The following PLPP4 variants were observed in gnomAD, a reference collection of about 807,000 sequenced individuals.
PLPP4 encodes the protein diacylglycerol pyrophosphate like 2.
A neutral mutation model predicts 32.2 loss-of-function variants in PLPP4; 20 were observed. That is an observed-to-expected ratio of 0.62 (90% CI 0.44 to 0.90). PLPP4 has a LOEUF of 0.90. Among genes scored for constraint, PLPP4 ranks in the 40% least tolerant of loss-of-function variants. The probability of loss-of-function intolerance (pLI) is 0.00; values close to 1 mark genes in which losing one functional copy is unlikely to be tolerated. For synonymous variants in PLPP4, 127 were observed against 133.0 expected, an observed-to-expected ratio of 0.95 and a Z score of 0.31; for missense variants, 257 against 353.1, an observed-to-expected ratio of 0.73 and a Z score of 2.18.
intron 1 of PLPP4, among the ~76,000 whole-genome samples, chr10:120,498,315 A>G (rs928341849): frequency 9.2e-5 from 14 of 152,236 alleles, no homozygotes; most frequent in African/African-American, 3.1e-4. Context: ...GGGGAAGTCC[A>G]TGATTTTGAG....
intron 1 of PLPP4, among the ~76,000 whole-genome samples, chr10:120,500,340 G>C (rs1297304175): frequency 6.6e-6 from 1 of 152,190 alleles, no homozygotes; most frequent in African/African-American, 2.4e-5. Context: ...CTCACAGAGT[G>C]GGGGTGTGTG....
Position 120,570,539 on chromosome 10 carries a change from A to G in PLPP4, c.446-4592A>G, listed in dbSNP as rs558758266. Among the ~76,000 whole-genome samples the G allele has an allele frequency of 2.0e-5, 3 of 152,336 alleles. No individual in the cohort carries two copies. In the South Asian group the frequency reaches 6.2e-4, roughly 32 times the overall value. The stretch of plus-strand genomic sequence containing the variant: ...AGCAGGACCTGTCTTCCTGATTCTT[A>G]TCTCATTTGTTTTTTAAGAGTTTTC... On this transcript the variant is annotated intron_variant, in intron 5 of 6. Transcript: ENST00000398250.
chr10:120,559,332 A>G (rs1340264167), intron 5 of PLPP4, among the ~76,000 whole-genome samples: 1 of 151,698 alleles, frequency 6.6e-6, no homozygotes, highest in East Asian at 1.9e-4. Flanking sequence ...TCCACAAAAA[A>G]GGGAGATGTT....
chr10:120,505,985 C>G (rs1027058138), intron 2 of PLPP4, among the ~76,000 whole-genome samples: 1 of 152,146 alleles, frequency 6.6e-6, no homozygotes, highest in Non-Finnish European at 1.5e-5. Context: ...GTGGCTGTGT[C>G]CTAGATTTAT....
intron 5 of PLPP4, among the ~76,000 whole-genome samples, chr10:120,561,339 C>A (rs1217202528): frequency 6.6e-6 from 1 of 152,116 alleles, no homozygotes; most frequent in Non-Finnish European, 1.5e-5. Flanking sequence ...TAGTAGCAGT[C>A]CAATTTTTTT....
intron 1 of PLPP4, among the ~76,000 whole-genome samples, chr10:120,461,288 G>A (rs949604672): frequency 6.6e-6 from 1 of 152,186 alleles, no homozygotes; most frequent in East Asian, 1.9e-4. Flanking sequence ...TTCTTCCACC[G>A]TTTTTGGCTG....
intron 5 of PLPP4, among the ~76,000 whole-genome samples, chr10:120,558,695 G>T (rs759836684): frequency 6.6e-6 from 1 of 152,058 alleles, no homozygotes; most frequent in East Asian, 1.9e-4. Flanking sequence ...GGGATTATAG[G>T]TGTGAGCCAC....
intron 4 of PLPP4, among the ~76,000 whole-genome samples, chr10:120,519,610 G>C (rs1256172091): frequency 6.6e-6 from 1 of 152,016 alleles, no homozygotes; most frequent in East Asian, 1.9e-4. Flanking sequence ...TTACTCTCAG[G>C]CCTCACCCCT....
chr10:120,524,911 C>T (rs1317737858), intron 5 of PLPP4, among the ~76,000 whole-genome samples: 3 of 151,478 alleles, frequency 2.0e-5, no homozygotes, highest in Non-Finnish European at 4.4e-5. Context: ...ACTGATTCAA[C>T]TTCCAGAGAG....
chr10:120,471,170 CTTTTAA>C (rs1191067960), intron 1 of PLPP4, among the ~76,000 whole-genome samples: 5 of 152,078 alleles, frequency 3.3e-5, no homozygotes, highest in African/African-American at 1.2e-4. Flanking sequence ...TAGTCTTATT[CTTTTAA>C]TTTTGTCTTT....
chr10:120,457,346 T>C lies in PLPP4; in HGVS notation c.41T>C (p.Leu14Pro). The change falls in exon 1 of 7, where the codon CTC (leucine) becomes CCC (proline). Residue 14 changes from leucine to proline, a missense_variant. By Grantham distance (98) the Leu-to-Pro change is moderately conservative. Transcript: ENST00000398250. ...ATTGAGATCGGGGTGCGAGCCCTGC[T>C]CTTCGGAGTCTTCGTGTAAGTAGTG... ...LAIEIGVRAL[L>P]FGVFVFTEFL... 6.5e-7 allele frequency: 1 copy of C among 1,535,820 alleles called. No homozygotes were observed. The highest frequency in any genetic ancestry group is 8.8e-7 in the Non-Finnish European group (1 of 1,140,086).
At chr10:120,505,273 G>A (rs952589909) in intron 2 of PLPP4, among the ~76,000 whole-genome samples, 6 of 152,222 alleles carry the variant, frequency 3.9e-5, no homozygotes, top group Non-Finnish European at 8.8e-5. Context: ...CTGAGGGTTG[G>A]GGGCAGAGTG....
intron 6 of PLPP4, 77 bp downstream of exon 6, chr10:120,575,378 C>T (rs1047938560): frequency 1.1e-5 from 16 of 1,464,610 alleles, no homozygotes; most frequent in Admixed American, 1.9e-5. Flanking sequence ...AGAAATGCAC[C>T]AATTGTGGGG....
At chr10:120,502,401 G>A (rs1276947184) in intron 1 of PLPP4, among the ~76,000 whole-genome samples, 1 of 152,154 alleles carries the variant, frequency 6.6e-6, no homozygotes, top group African/African-American at 2.4e-5. Context: ...CAGATGGGTG[G>A]ATTTTAGGTC....
intron 1 of PLPP4, among the ~76,000 whole-genome samples, chr10:120,495,854 G>A (rs1564795213): frequency 1.3e-5 from 2 of 152,162 alleles, no homozygotes; most frequent in Non-Finnish European, 2.9e-5. Flanking sequence ...ACTGTTTGTG[G>A]AGGCCTTCAG....
intron 5 of PLPP4, among the ~76,000 whole-genome samples, chr10:120,570,781 AG>A (rs1456082544): frequency 6.6e-6 from 1 of 152,222 alleles, no homozygotes; most frequent in African/African-American, 2.4e-5. Flanking sequence ...GCAGGCAGAT[AG>A]CCCTGTTCAT....
rs565208305 is a variant in PLPP4 at position 120,581,660 on chromosome 10, A to G, written c.616+6359A>G. The stretch of plus-strand genomic sequence containing the variant: ...CCATCCCACCTCAGAGCCTTTCCAC[A>G]GGCTCCACCTTGTGCCTGGAATGCT... On this transcript the variant is annotated intron_variant, in intron 6 of 6. Coordinates refer to ENST00000398250, the MANE Select transcript of PLPP4 (RefSeq NM_001030059.3). Among the ~76,000 whole-genome samples, 951 of 152,178 alleles carry G rather than the reference A, an allele frequency of 6.2e-3. 3 individuals are homozygous for G. The highest frequency in any genetic ancestry group is 0.01 in the Non-Finnish European group (712 of 68,016).
chr10:120,459,058 TC>T (rs980163994), intron 1 of PLPP4, among the ~76,000 whole-genome samples: 3 of 151,958 alleles, frequency 2.0e-5, no homozygotes, highest in East Asian at 1.9e-4. Flanking sequence ...CCTTCCAATA[TC>T]CCCCCCAAAT....
rs563362408 is a variant in PLPP4, at chr10:120,563,547, T to TC, written c.446-11581dup. The stretch of plus-strand genomic sequence containing the variant: ...CGGGCGCGGTGGCTCACGCCTGTAA[T>TC]CCCAGCACTTTGGGAGGCCGAGGCG... On this transcript the variant is annotated intron_variant, in intron 5 of 6. Transcript: ENST00000398250. Among the ~76,000 whole-genome samples the TC allele has an allele frequency of 2.5e-3, 377 of 149,494 alleles. 17 individuals are homozygous for TC. The highest frequency in any genetic ancestry group is 9.1e-3 in the African/African-American group (355 of 39,030).
Sources: gnomAD v4.1 joint callset for allele counts (sites outside exome capture counted in the v4.1 genomes callset) on GRCh38, gnomAD v4.1.1 for gene constraint, MANE v1.5 for transcripts, NCBI Gene and HGNC (gene_info 2026-07-23, HGNC 2026-07-21) for gene names.